Variants in CYRIB observed in about 807,000 individuals in gnomAD.
CYRIB encodes the protein CYFIP-related Rac1 interactor B.
A neutral mutation model predicts 44.2 loss-of-function variants in CYRIB; 8 were observed. The observed-to-expected ratio is 0.18, with a 90% CI of 0.11 to 0.33. The LOEUF is 0.33. CYRIB is among the 10% of genes least tolerant of loss of function. The pLI is 1.00. For missense variants in CYRIB, 185 were observed against 382.8 expected, an observed-to-expected ratio of 0.48 and a Z score of 4.31; for synonymous variants, 131 against 127.2, an observed-to-expected ratio of 1.03 and a Z score of -0.20.
At chr8:129,886,754 ATCC>A (rs2062931276) in intron 2 of CYRIB, among the ~76,000 whole-genome samples, 1 of 151,378 alleles carries the variant, frequency 6.6e-6, no homozygotes, top group African/African-American at 2.4e-5. Flanking sequence ...CACTCCCCTC[ATCC>A]TCCTCAACAC....
At chr8:129,857,698 A>T (rs897554726) in intron 5 of CYRIB, among the ~76,000 whole-genome samples, 1 of 152,216 alleles carries the variant, frequency 6.6e-6, no homozygotes, top group Non-Finnish European at 1.5e-5. Flanking sequence ...GATGTGAAGA[A>T]GATCAATTAA....
At chr8:129,949,777 C>G (rs1387373600) in intron 2 of CYRIB, among the ~76,000 whole-genome samples, 2 of 151,956 alleles carry the variant, frequency 1.3e-5, no homozygotes, top group African/African-American at 4.8e-5. Context: ...ACTCGGGAGG[C>G]TGAGGCATGA....
chr8:129,994,274 G>GA (rs199794114), intron 1 of CYRIB, among the ~76,000 whole-genome samples: 3,671 of 152,134 alleles, frequency 0.024, 64 homozygotes, highest in Non-Finnish European at 0.037. Context: ...GAAGCTGGGG[G>GA]GGGTGGCATG....
chr8:129,936,818 T>C (rs948844234), intron 1 of CYRIB, among the ~76,000 whole-genome samples: 2 of 150,980 alleles, frequency 1.3e-5, no homozygotes, highest in African/African-American at 4.9e-5. Flanking sequence ...GCCATTCTCC[T>C]GCCTCGGCCT....
rs910785354 is a variant in CYRIB at position 129,881,968 on chromosome 8, T to C, written c.-10-2497A>G. On this transcript the variant is annotated intron_variant, in intron 2 of 11. Transcript: ENST00000519824. ...GTTACTAAAGTTCTTCAATAGATGT[T>C]GGAAGAAACCATTTGGAAATAGCAT... is the stretch of plus-strand genomic sequence containing the variant. Among the ~76,000 whole-genome samples the C allele has an allele frequency of 2.4e-4, 36 of 152,350 alleles. 1 individual carries two copies. The highest frequency in any genetic ancestry group is 1.8e-3 in the Admixed American group (27 of 15,308).
intron 2 of CYRIB, among the ~76,000 whole-genome samples, chr8:129,885,853 G>A (rs1316540724): frequency 1.3e-5 from 2 of 150,444 alleles, no homozygotes; most frequent in South Asian, 2.1e-4. Flanking sequence ...AAAAAAAAAA[G>A]AAGAAGAAAA....
At chr8:129,847,976 A>AT (rs1412388707) in intron 10 of CYRIB, among the ~76,000 whole-genome samples, 5 of 151,256 alleles carry the variant, frequency 3.3e-5, no homozygotes, top group African/African-American at 9.7e-5. Flanking sequence ...TAATTTTTGT[A>AT]TTTTTTTTCA....
chr8:129,950,964 T>A lies in CYRIB; in HGVS notation c.-243+19979A>T, dbSNP rs147121201. On this transcript the variant is annotated intron_variant, in intron 2 of 14. Coordinates refer to the CYRIB transcript ENST00000401979. Reference sequence around the variant, plus strand: ...TGGACCTGTTTCCTCACCTCAGAAATGAAGGGTTTGCTCTCAATGACTCCC... The same window carrying A: ...TGGACCTGTTTCCTCACCTCAGAAAAGAAGGGTTTGCTCTCAATGACTCCC... 7.9e-3 allele frequency among the ~76,000 whole-genome samples: 1,198 copies of A among 152,274 alleles called. 15 individuals are homozygous for A. Among genetic ancestry groups the A allele is most frequent in the African/African-American group, 0.028 (1,143 of 41,538 alleles).
At chr8:130,011,846 A>G (rs1054327126) in intron 1 of CYRIB, among the ~76,000 whole-genome samples, 1 of 151,820 alleles carries the variant, frequency 6.6e-6, no homozygotes, top group African/African-American at 2.4e-5. Context: ...ACTAAAAATA[A>G]AAATAAAAAT....
exon 7 of CYRIB, chr8:129,854,296 T>C (rs1484687594): frequency 6.2e-7 from 1 of 1,611,374 alleles, no homozygotes; most frequent in Admixed American, 1.7e-5. Context: ...TACGACTCAA[T>C]GTTCTTCTAT....
chr8:129,882,748 G>A (rs1173783893), intron 2 of CYRIB, among the ~76,000 whole-genome samples: 1 of 152,056 alleles, frequency 6.6e-6, no homozygotes, highest in African/African-American at 2.4e-5. Flanking sequence ...CTCTGTATAT[G>A]GTTCTTCTTT....
chr8:129,891,892 A>T (rs2134930092), intron 2 of CYRIB, among the ~76,000 whole-genome samples: 1 of 152,204 alleles, frequency 6.6e-6, no homozygotes, highest in East Asian at 1.9e-4. Flanking sequence ...CTGTTGGGCC[A>T]TGTGCAATGG....
chr8:129,859,533 C>T (rs528959506), intron 5 of CYRIB, among the ~76,000 whole-genome samples: 2 of 152,140 alleles, frequency 1.3e-5, no homozygotes, highest in South Asian at 2.1e-4. Flanking sequence ...GACACTGAGG[C>T]TACCGCTAGA....
At chr8:129,915,642 T>C (rs887851664) in intron 1 of CYRIB, among the ~76,000 whole-genome samples, 1 of 152,162 alleles carries the variant, frequency 6.6e-6, no homozygotes, top group Non-Finnish European at 1.5e-5. Context: ...GATGGTTTCA[T>C]AGGTGATTAA....
At chr8:129,988,029 G>A (rs2096527201) in intron 1 of CYRIB, among the ~76,000 whole-genome samples, 1 of 152,218 alleles carries the variant, frequency 6.6e-6, no homozygotes. Context: ...CACGCCAACA[G>A]ACAACACGAG....
chr8:130,009,346 C>T (rs2097171637), intron 1 of CYRIB, among the ~76,000 whole-genome samples: 1 of 151,560 alleles, frequency 6.6e-6, no homozygotes, highest in Non-Finnish European at 1.5e-5. Flanking sequence ...TGGCTCATTG[C>T]AACCTCTGCC....
intron 2 of CYRIB, chr8:129,948,543 CATCAGG>C (rs1435680364): frequency 6.6e-6 from 1 of 152,082 alleles, no homozygotes; most frequent in Non-Finnish European, 1.5e-5. Context: ...CCATTCCTTC[CATCAGG>C]AAAAGGCACA....
chr8:129,871,934 T>C (rs150319068), intron 3 of CYRIB, among the ~76,000 whole-genome samples: 2 of 152,308 alleles, frequency 1.3e-5, no homozygotes, highest in African/African-American at 4.8e-5. Flanking sequence ...AAACTATTTT[T>C]ATTTTCCTAT....
At chr8:129,983,483 A>T (rs1048738902) in intron 1 of CYRIB, among the ~76,000 whole-genome samples, 11 of 152,112 alleles carry the variant, frequency 7.2e-5, no homozygotes, top group Non-Finnish European at 1.5e-4. Flanking sequence ...ATGTATAAAA[A>T]ATAAACCTGT....
Sources: allele counts gnomAD v4.1 joint callset (sites outside exome capture counted in the v4.1 genomes callset), GRCh38; gene constraint gnomAD v4.1.1; transcripts MANE v1.5; gene names NCBI Gene and HGNC (gene_info 2026-07-23, HGNC 2026-07-21).